COL28A1: variants seen among roughly 807,000 people sequenced by gnomAD.
COL28A1 encodes the protein collagen type XXVIII alpha 1 chain.
In COL28A1, 161 loss-of-function variants were observed where a neutral mutation model predicts 150.2. That is an observed-to-expected ratio of 1.07 (90% confidence interval 0.94 to 1.22). The LOEUF is 1.22. COL28A1 is among the 50% of genes most tolerant of loss of function. COL28A1 has a pLI of 0.00. For synonymous variants in COL28A1, 552 were observed against 469.7 expected (o/e 1.18, Z -2.26); for missense variants, 1,617 against 1,388.3 (o/e 1.16, Z -2.62).
intron 15 of COL28A1, among the ~76,000 whole-genome samples, chr7:7,457,260 C>T (rs529022170): frequency 1.1e-3 from 169 of 152,234 alleles, no homozygotes; most frequent in African/African-American, 3.5e-3. Flanking sequence ...GTATGGAGAA[C>T]AGACTGAAGG....
chr7:7,360,590 G>A, intron 33 of COL28A1, 62 bp from the exon 34 acceptor site: 2 of 1,494,412 alleles, frequency 1.3e-6, no homozygotes, highest in Non-Finnish European at 1.8e-6. Flanking sequence ...ATACTAGTTT[G>A]CTTTTGGGAA....
upstream of COL28A1, among the ~76,000 whole-genome samples, chr7:7,537,840 G>A (rs1782702732): frequency 6.6e-6 from 1 of 152,196 alleles, no homozygotes; most frequent in Non-Finnish European, 1.5e-5. Context: ...ACTTTTGTAA[G>A]ATGAGAATCA....
chr7:7,450,429 T>C (rs1439553794), intron 18 of COL28A1, among the ~76,000 whole-genome samples: 2 of 152,200 alleles, frequency 1.3e-5, no homozygotes, highest in African/African-American at 4.8e-5. Context: ...AACTTCTGTA[T>C]ACTAAGAAGT....
rs1264535057 is a variant in COL28A1, at chr7:7,373,371, C to T, written c.2535G>A (p.Lys845=). The T allele has an allele frequency of 6.2e-7, 1 of 1,614,202 alleles. No individual in the cohort carries two copies. The highest frequency in any genetic ancestry group is 1.7e-5 in the Admixed American group (1 of 60,030). ...GCTTCAAATTAGCCACCTTCTCCAC[C>T]TTATGGCTATAGTTGATTATGCCTA... ...ARIGIINYSH[K]VEKVANLKQF... Residue 845 remains lysine (K), a synonymous_variant, in exon 32 of 35, where the codon AAG becomes AAA. Transcript: ENST00000399429. This position sits in a 1 kb window ranked among gnomAD's most constrained non-coding sequence, Gnocchi z 4.1.
chr7:7,473,017 A>G (rs1788560671), intron 15 of COL28A1, among the ~76,000 whole-genome samples: 1 of 152,252 alleles, frequency 6.6e-6, no homozygotes, highest in Non-Finnish European at 1.5e-5. Context: ...CACCTTATAC[A>G]AAATCAGCTC....
chr7:7,477,092 G>C lies in COL28A1; in HGVS notation c.1233+20C>G, dbSNP rs1303637771. On this transcript the variant is annotated intron_variant, in intron 14 of 34. Transcript: ENST00000399429. ...CATGTAAGACAAAGCACCTTTTCCT[G>C]GTACAGAAGGTATTGTTACCTTTGG... 6.1e-6 allele frequency: 6 copies of C among 980,446 alleles called. No individual in the cohort carries two copies. In the Admixed American group the frequency reaches 8.5e-5, roughly 14 times the overall value. The allele number at this position is 980,446 out of a possible 1,614,324, so 60.7% of individuals were successfully genotyped here.
At chr7:7,439,798 C>A (rs60314248) in intron 21 of COL28A1, among the ~76,000 whole-genome samples, 1 of 152,142 alleles carries the variant, frequency 6.6e-6, no homozygotes, top group African/African-American at 2.4e-5. Flanking sequence ...GGCTCACTCA[C>A]CACTGAATCC....
At chr7:7,365,131 G>A (rs1780866287) in intron 33 of COL28A1, among the ~76,000 whole-genome samples, 1 of 131,086 alleles carries the variant, frequency 7.6e-6, no homozygotes, top group South Asian at 2.7e-4. Flanking sequence ...GGAGAGAGGA[G>A]GAAAAAGAGC....
chr7:7,463,020 G>A (rs1240452134), intron 15 of COL28A1, among the ~76,000 whole-genome samples: 1 of 151,892 alleles, frequency 6.6e-6, no homozygotes, highest in Non-Finnish European at 1.5e-5. Flanking sequence ...AAGCCTCCAA[G>A]AAATCTGGGA....
intron 27 of COL28A1, among the ~76,000 whole-genome samples, chr7:7,396,405 G>A (rs1045942156): frequency 4.6e-5 from 7 of 152,112 alleles, no homozygotes; most frequent in African/African-American, 9.7e-5. Context: ...CCGAACAAAG[G>A]CTTTGCTGGT....
chr7:7,455,944 C>G (rs1787130248), intron 16 of COL28A1, 100 bp downstream of exon 16: 1 of 1,496,886 alleles, frequency 6.7e-7, no homozygotes, highest in Admixed American at 2.0e-5. Context: ...AATTAACTGT[C>G]AAATATACTC....
In COL28A1 at chr7:7,440,107, G is replaced by A. The variant is rs1048114292; in HGVS notation, c.1722+683C>T. 2.6e-5 allele frequency among the ~76,000 whole-genome samples: 4 copies of A among 152,188 alleles called. No homozygotes were observed. The South Asian group carries it at 8.3e-4, about 32-fold the overall frequency. Reference sequence around the variant, plus strand: ...ATGGTGGGTCTCTGAGGCTAAGTCAGGACACATACTTAATTGCTCACCTCA... The same window carrying A: ...ATGGTGGGTCTCTGAGGCTAAGTCAAGACACATACTTAATTGCTCACCTCA... On this transcript the variant is annotated intron_variant, in intron 21 of 34. Transcript: ENST00000399429.
At chr7:7,438,891 A>G (rs1372181027) in intron 21 of COL28A1, among the ~76,000 whole-genome samples, 1 of 152,222 alleles carries the variant, frequency 6.6e-6, no homozygotes, top group African/African-American at 2.4e-5. Flanking sequence ...CATTATACAA[A>G]TAACTAAATA....
At chr7:7,497,987 ACT>A (rs1780311799) in intron 11 of COL28A1, among the ~76,000 whole-genome samples, 1 of 152,174 alleles carries the variant, frequency 6.6e-6, no homozygotes, top group South Asian at 2.1e-4. Flanking sequence ...TACTCTACGT[ACT>A]TGTGCTTTCT....
intron 15 of COL28A1, among the ~76,000 whole-genome samples, chr7:7,458,904 T>C (rs1165784765): frequency 2.0e-5 from 3 of 152,228 alleles, no homozygotes; most frequent in African/African-American, 7.2e-5. Context: ...TGCAGTGTTA[T>C]TGACATTTAA....
intron 18 of COL28A1, among the ~76,000 whole-genome samples, chr7:7,449,772 C>A (rs1484794440): frequency 6.6e-6 from 1 of 151,968 alleles, no homozygotes; most frequent in Non-Finnish European, 1.5e-5. Context: ...ATAAAAATTT[C>A]TTCAAGGTAT....
intron 25 of COL28A1, chr7:7,431,704 G>A (rs563910340): frequency 3.0e-4 from 131 of 439,210 alleles, no homozygotes; most frequent in East Asian, 1.2e-3. Context: ...TCTGATTTAC[G>A]GTTTTAAAAG....
chr7:7,341,976 T>C, the COL28A1 span, among the ~76,000 whole-genome samples: 4 of 152,158 alleles, frequency 2.6e-5, no homozygotes, highest in African/African-American at 7.2e-5. Flanking sequence ...CTTAATCATG[T>C]TATCCAAATA....
At chr7:7,476,607 C>T (rs1425953617) in intron 14 of COL28A1, among the ~76,000 whole-genome samples, 1 of 152,148 alleles carries the variant, frequency 6.6e-6, no homozygotes, top group African/African-American at 2.4e-5. Context: ...AACTTGAGCT[C>T]CAAGAATTAC....
Sources: gnomAD v4.1 joint callset for allele counts (sites outside exome capture counted in the v4.1 genomes callset) on GRCh38, gnomAD v4.1.1 for gene constraint, Gnocchi (gnomAD v3.1) non-coding constraint, MANE v1.5 for transcripts, NCBI Gene and HGNC (gene_info 2026-07-23, HGNC 2026-07-21) for gene names.